RNGTT: variants seen among roughly 807,000 people sequenced by gnomAD.
The protein encoded by RNGTT is RNA guanylyltransferase and 5'-phosphatase.
Under a neutral mutation model 79.3 loss-of-function variants are expected in RNGTT, and 33 were observed. The ratio of observed to expected loss-of-function variants is 0.42; its 90% CI spans 0.32 to 0.56. RNGTT has a LOEUF of 0.56. Among genes scored for constraint, RNGTT ranks in the 20% least tolerant of loss-of-function variants. The pLI is 0.17. For missense variants in RNGTT, 497 were observed against 739.1 expected (o/e 0.67, Z 3.80); for synonymous variants, 222 against 235.9 (o/e 0.94, Z 0.54).
chr6:88,877,669 A>T (rs763652538), intron 8 of RNGTT, among the ~76,000 whole-genome samples: 4 of 152,206 alleles, frequency 2.6e-5, no homozygotes, highest in Admixed American at 6.5e-5. Context: ...GGACTTAAAG[A>T]AAGATTTAGG....
intron 4 of RNGTT, among the ~76,000 whole-genome samples, chr6:88,917,381 T>C (rs1251060303): frequency 1.3e-5 from 2 of 152,068 alleles, no homozygotes; most frequent in African/African-American, 4.8e-5. Context: ...CAAATGTAAA[T>C]ATATTAATCA....
intron 4 of RNGTT, among the ~76,000 whole-genome samples, chr6:88,906,924 A>C (rs1312364533): frequency 2.0e-5 from 3 of 152,218 alleles, no homozygotes; most frequent in Middle Eastern, 3.2e-3. Context: ...AGAGCAAATA[A>C]ACTAATAGAA....
intron 14 of RNGTT, among the ~76,000 whole-genome samples, chr6:88,619,811 A>T (rs998661625): frequency 6.6e-6 from 1 of 152,194 alleles, no homozygotes; most frequent in East Asian, 1.9e-4. Flanking sequence ...TCACGTAAAT[A>T]ACTTTGGTTT....
At chr6:88,823,976 A>G (rs1477411904) in intron 11 of RNGTT, among the ~76,000 whole-genome samples, 1 of 152,204 alleles carries the variant, frequency 6.6e-6, no homozygotes, top group Non-Finnish European at 1.5e-5. Flanking sequence ...GTAAAAGAAA[A>G]TCATAGAAAA....
At chr6:88,951,412 T>C (rs1785244657) in intron 1 of RNGTT, among the ~76,000 whole-genome samples, 1 of 152,146 alleles carries the variant, frequency 6.6e-6, no homozygotes, top group African/African-American at 2.4e-5. Flanking sequence ...AGTTCTACCA[T>C]GGCTAAAGAA....
chr6:88,916,376 G>A (rs1341713596), intron 4 of RNGTT, among the ~76,000 whole-genome samples: 1 of 152,190 alleles, frequency 6.6e-6, no homozygotes, highest in Non-Finnish European at 1.5e-5. Flanking sequence ...AAGAGGCTGA[G>A]AGGAGAGGAT....
chr6:88,890,694 G>GTTCT (rs997535126), intron 7 of RNGTT, 98 bp from the exon 8 acceptor site: 2 of 694,884 alleles, frequency 2.9e-6, no homozygotes, highest in Non-Finnish European at 4.8e-6. Flanking sequence ...TTATCACAAT[G>GTTCT]TTCTCCCTAT....
rs184828764 is a variant in RNGTT, at chr6:88,929,881, C to G, written c.175-614G>C. On this transcript the variant is annotated intron_variant, in intron 2 of 15. Coordinates refer to ENST00000369485, the MANE Select transcript of RNGTT (RefSeq NM_003800.5). Reference sequence around the variant, plus strand: ...ATGTATACATATGCATATATACATACACACATATATACATATGTATACATA... The same window carrying G: ...ATGTATACATATGCATATATACATAGACACATATATACATATGTATACATA... 1.8e-4 allele frequency among the ~76,000 whole-genome samples: 25 copies of G among 137,666 alleles called. No individual in the cohort carries two copies. The East Asian group carries it at 4.7e-3, about 26-fold the overall frequency. 90.3% of individuals were successfully genotyped at this position (137,666 alleles called of 152,430 possible). A position where few individuals can be genotyped will look rare whatever the true frequency, so the allele number is the denominator to read the frequency against.
At chr6:88,716,714 AG>A (rs1238264280) in intron 13 of RNGTT, among the ~76,000 whole-genome samples, 2 of 152,152 alleles carry the variant, frequency 1.3e-5, no homozygotes, top group Non-Finnish European at 2.9e-5. Context: ...AACTATCGCA[AG>A]GACAAAAAAC....
At chr6:88,877,887 G>C (rs934543754) in intron 8 of RNGTT, among the ~76,000 whole-genome samples, 1 of 152,072 alleles carries the variant, frequency 6.6e-6, no homozygotes, top group Non-Finnish European at 1.5e-5. Context: ...CCTAACTATA[G>C]TTCTGATGAA....
intron 12 of RNGTT, among the ~76,000 whole-genome samples, chr6:88,781,753 T>G (rs1779071252): frequency 6.6e-6 from 1 of 152,124 alleles, no homozygotes; most frequent in Non-Finnish European, 1.5e-5. Context: ...TTTATATTCT[T>G]AAACAAAAAA....
intron 8 of RNGTT, among the ~76,000 whole-genome samples, chr6:88,867,369 G>T (rs1437115142): frequency 6.6e-6 from 1 of 152,006 alleles, no homozygotes. Flanking sequence ...TGTAGTCTCA[G>T]CTACTCAAGA....
rs79498773 is a variant in RNGTT, at chr6:88,737,696, G to C, written c.1439+32078C>G. 4.3e-3 allele frequency among the ~76,000 whole-genome samples: 658 copies of C among 152,248 alleles called. 3 individuals are homozygous for C. Among genetic ancestry groups the C allele is most frequent in the Non-Finnish European group, 7.9e-3 (535 of 68,018 alleles). ...GCCATGTGAATACACAGTAAGAAGA[G>C]AGCATCCGCGACTCAAGGGGCAGAA... is the stretch of plus-strand genomic sequence containing the variant. On this transcript the variant is annotated intron_variant, in intron 13 of 15. Coordinates refer to ENST00000369485, the MANE Select transcript of RNGTT (RefSeq NM_003800.5).
At chr6:88,746,144 C>T (rs1777651262) in intron 13 of RNGTT, among the ~76,000 whole-genome samples, 2 of 152,166 alleles carry the variant, frequency 1.3e-5, no homozygotes, top group African/African-American at 4.8e-5. Flanking sequence ...TCTAGCCTGC[C>T]GGTATTCTAT....
chr6:88,674,380 T>C (rs757001533), intron 14 of RNGTT, among the ~76,000 whole-genome samples: 6 of 152,008 alleles, frequency 3.9e-5, no homozygotes, highest in Non-Finnish European at 5.9e-5. Flanking sequence ...AAACCCCATC[T>C]CCACAAAAAA....
intron 8 of RNGTT, among the ~76,000 whole-genome samples, chr6:88,871,685 T>C (rs1282035658): frequency 6.6e-6 from 1 of 152,146 alleles, no homozygotes; most frequent in Non-Finnish European, 1.5e-5. Context: ...GGTATGAAGA[T>C]TATTTTAACC....
intron 11 of RNGTT, among the ~76,000 whole-genome samples, chr6:88,814,827 C>A (rs1780264570): frequency 6.6e-6 from 1 of 151,958 alleles, no homozygotes; most frequent in Admixed American, 6.6e-5. Flanking sequence ...CTAATTTGAA[C>A]ATTAAGGGAA....
intron 13 of RNGTT, among the ~76,000 whole-genome samples, chr6:88,710,790 A>T (rs915337532): frequency 2.0e-5 from 3 of 152,210 alleles, no homozygotes; most frequent in Non-Finnish European, 4.4e-5. Context: ...GTAAGAAAAA[A>T]ATTATATAGC....
chr6:88,815,438 T>C (rs116597006), intron 11 of RNGTT, among the ~76,000 whole-genome samples: 310 of 152,250 alleles, frequency 2.0e-3, no homozygotes, highest in African/African-American at 7.2e-3. Context: ...CAGTGAATTA[T>C]CAAATCTGAG....
Sources: gnomAD v4.1 joint callset for allele counts (sites outside exome capture counted in the v4.1 genomes callset) on GRCh38, gnomAD v4.1.1 for gene constraint, MANE v1.5 for transcripts, NCBI Gene and HGNC (gene_info 2026-07-23, HGNC 2026-07-21) for gene names.